Variants in PRKN observed in about 807,000 individuals in gnomAD.
The protein encoded by PRKN is E3 ubiquitin-protein ligase parkin.
Under a neutral mutation model 59.5 loss-of-function variants are expected in PRKN, and 56 were observed. The ratio of observed to expected loss-of-function variants is 0.94; its 90% confidence interval spans 0.76 to 1.18. The LOEUF is 1.18. Among genes scored for constraint, PRKN ranks in the 50% most tolerant of loss-of-function variants. The pLI is 0.00. For missense variants in PRKN, 657 were observed against 596.4 expected (o/e 1.10, Z -1.06); for synonymous variants, 250 against 222.1 (o/e 1.13, Z -1.12).
chr6:161,878,486 A>G (rs768925800), intron 6 of PRKN, among the ~76,000 whole-genome samples: 3 of 152,088 alleles, frequency 2.0e-5, no homozygotes, highest in Non-Finnish European at 2.9e-5. Context: ...TTGAAATCGC[A>G]CAGTACGAAT....
rs2114923347 is a variant in PRKN at position 161,379,255 on chromosome 6, T to C, written c.1167+7539A>G. On this transcript the variant is annotated intron_variant, in intron 10 of 11. Transcript: ENST00000366898. This position sits in a 1 kb window ranked among gnomAD's most constrained non-coding sequence, Gnocchi z 4.9. ...AGGAGCCTGGACCCATCAGGGATGA[T>C]GTCTGTGTCACCCCACCAGGTAAGC... is the stretch of plus-strand genomic sequence containing the variant. Among the ~76,000 whole-genome samples the C allele has an allele frequency of 6.6e-6, 1 of 152,246 alleles. No homozygotes were observed. The highest frequency in any genetic ancestry group is 2.1e-4 in the South Asian group (1 of 4,822).
At chr6:162,563,197 G>A (rs1041910442) in intron 1 of PRKN, among the ~76,000 whole-genome samples, 4 of 152,190 alleles carry the variant, frequency 2.6e-5, no homozygotes, top group East Asian at 3.9e-4. Flanking sequence ...CCAGCTACTC[G>A]GGAGGCTGAG....
chr6:161,634,483 T>C (rs902877510), intron 7 of PRKN, among the ~76,000 whole-genome samples: 3 of 152,194 alleles, frequency 2.0e-5, no homozygotes, highest in Admixed American at 2.0e-4. Flanking sequence ...CTAAGCAACT[T>C]GCTGCAGGTC....
At position 161,650,843 on chromosome 6, in the gene PRKN, C is replaced by T. The variant is rs902880912; in HGVS notation, c.872-81427G>A. Among the ~76,000 whole-genome samples, 41 of 152,168 alleles carry T rather than the reference C, an allele frequency of 2.7e-4. 1 individual carries two copies. The highest frequency in any genetic ancestry group is 1.5e-4 in the Non-Finnish European group (10 of 68,024). The stretch of plus-strand genomic sequence containing the variant: ...CACAGTGAAGGGAGCATGTGCATCT[C>T]ACCTTCCTGGCTACCTTAGTTCTCA... On this transcript the variant is annotated intron_variant, in intron 7 of 11. Coordinates refer to ENST00000366898, the MANE Select transcript of PRKN (RefSeq NM_004562.3).
intron 9 of PRKN, among the ~76,000 whole-genome samples, chr6:161,435,532 C>A (rs984548041): frequency 2.0e-5 from 3 of 151,816 alleles, no homozygotes; most frequent in African/African-American, 7.3e-5. Flanking sequence ...AAAATGTGTT[C>A]ATTTTAAATA....
chr6:161,937,324 C>T (rs1411893225), intron 6 of PRKN, among the ~76,000 whole-genome samples: 1 of 152,158 alleles, frequency 6.6e-6, no homozygotes, highest in Non-Finnish European at 1.5e-5. Context: ...AGTATGCTTA[C>T]ATGTTCTTAC....
At chr6:162,288,945 T>C (rs896318438) in intron 2 of PRKN, among the ~76,000 whole-genome samples, 4 of 152,196 alleles carry the variant, frequency 2.6e-5, no homozygotes, top group Admixed American at 2.0e-4. Context: ...TTTTTCACTT[T>C]AAGGCCATGT....
chr6:161,643,313 G>T (rs575581767), intron 7 of PRKN, among the ~76,000 whole-genome samples: 1 of 152,250 alleles, frequency 6.6e-6, no homozygotes, highest in East Asian at 1.9e-4. Flanking sequence ...AAACCGGAGG[G>T]AGGAGAAATG....
In PRKN at chr6:161,562,210, C is replaced by T. The variant is rs75867956; in HGVS notation, c.933+7145G>A. On this transcript the variant is annotated intron_variant, in intron 8 of 11. Coordinates refer to ENST00000366898, the MANE Select transcript of PRKN (RefSeq NM_004562.3). This position sits in a 1 kb window ranked among gnomAD's most constrained non-coding sequence, Gnocchi z 4.3. The stretch of plus-strand genomic sequence containing the variant: ...TTCTCCTCTGGAAGGCCTGCCTTCT[C>T]GGCTTCCTCAACACCATAAATCGCC... Among the ~76,000 whole-genome samples, 69 of 151,836 alleles carry T rather than the reference C, an allele frequency of 4.5e-4. No homozygotes were observed. The highest frequency in any genetic ancestry group is 1.4e-3 in the African/African-American group (60 of 41,412).
At chr6:162,631,220 TC>T (rs1056679146) in intron 1 of PRKN, among the ~76,000 whole-genome samples, 2 of 152,132 alleles carry the variant, frequency 1.3e-5, no homozygotes, top group Non-Finnish European at 2.9e-5. Context: ...TCAGGCCACC[TC>T]AGGAATGACT....
chr6:161,880,808 T>C (rs947386431), intron 6 of PRKN, among the ~76,000 whole-genome samples: 5 of 152,164 alleles, frequency 3.3e-5, no homozygotes, highest in African/African-American at 4.8e-5. Context: ...AAACTTAATC[T>C]GTGCTTCCAA....
rs561073919 is a variant in PRKN, at chr6:161,409,528, A to C, written c.1084-22651T>G. On this transcript the variant is annotated intron_variant, in intron 9 of 11. Transcript: ENST00000366898. The surrounding 1 kb of genome is among the most constrained non-coding windows in gnomAD (Gnocchi z 4.6). ...GACAAGTAGCTTTCCTACTGACAGC[A>C]CCTCTCAGTTCAAAGGAAAGTGGTG... is the stretch of plus-strand genomic sequence containing the variant. Among the ~76,000 whole-genome samples, 1 of 152,204 alleles carries C rather than the reference A, an allele frequency of 6.6e-6. No homozygotes were observed. Among genetic ancestry groups the C allele is most frequent in the South Asian group, 2.1e-4 (1 of 4,816 alleles).
chr6:162,179,844 A>C (rs970345183), intron 4 of PRKN, among the ~76,000 whole-genome samples: 3 of 152,142 alleles, frequency 2.0e-5, no homozygotes, highest in Non-Finnish European at 4.4e-5. Flanking sequence ...ACCAAGCAGC[A>C]AACAGATAGA....
At chr6:162,274,973 C>T (rs9355996) in intron 2 of PRKN, 9,014 of 146,462 alleles carry the variant, frequency 0.062, 438 homozygotes, top group African/African-American at 0.14. Flanking sequence ...CCCAGCTACT[C>T]GGGAGGCTGA....
chr6:161,583,337 T>A lies in PRKN; in HGVS notation c.872-13921A>T, dbSNP rs1038675899. Reference sequence around the variant, plus strand: ...GACAATGTTTAAGCTAAAAAACACATCTTGGGATAAGAAATAAAGAAAATT... The same window carrying A: ...GACAATGTTTAAGCTAAAAAACACAACTTGGGATAAGAAATAAAGAAAATT... On this transcript the variant is annotated intron_variant, in intron 7 of 11. Coordinates refer to ENST00000366898, the MANE Select transcript of PRKN (RefSeq NM_004562.3). Among the ~76,000 whole-genome samples, 55 of 152,168 alleles carry A rather than the reference T, an allele frequency of 3.6e-4. 2 individuals carry two copies. The highest frequency in any genetic ancestry group is 2.9e-5 in the Non-Finnish European group (2 of 68,038).
chr6:161,661,629 A>G (rs779164803), intron 7 of PRKN, among the ~76,000 whole-genome samples: 2 of 151,400 alleles, frequency 1.3e-5, no homozygotes, highest in African/African-American at 2.4e-5. Context: ...CATTTTCACT[A>G]CCAAAGTACA....
At chr6:161,450,570 T>C (rs919540665) in intron 9 of PRKN, among the ~76,000 whole-genome samples, 1 of 152,184 alleles carries the variant, frequency 6.6e-6, no homozygotes, top group Non-Finnish European at 1.5e-5. Context: ...CTTCCTTTTT[T>C]TTTTGAGACG....
chr6:162,403,302 C>T (rs1308097100), intron 2 of PRKN, among the ~76,000 whole-genome samples: 1 of 152,048 alleles, frequency 6.6e-6, no homozygotes, highest in Non-Finnish European at 1.5e-5. Context: ...CTTGCTGCTC[C>T]TTTAATCTCA....
At chr6:161,380,426 C>CTTTTTTTTTTTTT (rs977152868) in intron 10 of PRKN, among the ~76,000 whole-genome samples, 1 of 117,962 alleles carries the variant, frequency 8.5e-6, no homozygotes. Flanking sequence ...CCAAGTCTAT[C>CTTTTTTTTTTTTT]TTTTTTTTTT....
Sources: allele counts gnomAD v4.1 joint callset (sites outside exome capture counted in the v4.1 genomes callset), GRCh38; gene constraint gnomAD v4.1.1; non-coding constraint Gnocchi (gnomAD v3.1); transcripts MANE v1.5; gene names NCBI Gene and HGNC (gene_info 2026-07-23, HGNC 2026-07-21).